Variants in CCL16 observed in about 807,000 individuals in gnomAD.
CCL16 encodes the protein C-C motif chemokine 16.
A neutral mutation model predicts 7.5 loss-of-function variants in CCL16; 6 were observed. The ratio of observed to expected loss-of-function variants is 0.80; its 90% CI spans 0.44 to 1.57. CCL16 has a LOEUF of 1.57. Among genes scored for constraint, CCL16 ranks in the 40% most tolerant of loss-of-function variants. The pLI, the probability that CCL16 is intolerant of heterozygous loss-of-function variation, is 0.01. For synonymous variants in CCL16, 60 were observed against 57.7 expected, an observed-to-expected ratio of 1.04 and a Z score of -0.18; for missense variants, 134 against 142.9, an observed-to-expected ratio of 0.94 and a Z score of 0.32.
At chr17:35,978,489 A>T (rs917015) in intron 1 of CCL16, among the ~76,000 whole-genome samples, 1 of 152,056 alleles carries the variant, frequency 6.6e-6, no homozygotes, top group Non-Finnish European at 1.5e-5. Context: ...CAAATGACTT[A>T]GTTATTCACA....
Position 35,978,352 on chromosome 17 carries a change from CCT to C in CCL16, c.77-91_77-90del, listed in dbSNP as rs2089656604. 1.1e-5 allele frequency: 18 copies of C among 1,569,830 alleles called. No homozygotes were observed. The Admixed American group carries it at 1.5e-4, about 13-fold the overall frequency. Reference sequence around the variant, plus strand: ...TGTCTCCCACCATTTGTGTTTCACTCCTCTGATAGCAAAGCCGTCTGTTAGAG... The same window carrying C: ...TGTCTCCCACCATTTGTGTTTCACTCCTGATAGCAAAGCCGTCTGTTAGAG... On this transcript the variant is annotated intron_variant, in intron 1 of 2. Transcript: ENST00000611905.
At position 35,977,583 on chromosome 17, in the gene CCL16, G is replaced by T. The variant is rs1271542898; in HGVS notation, c.346C>A (p.Leu116Ile). The T allele has an allele frequency of 6.2e-7, 1 of 1,612,682 alleles. No individual in the cohort carries two copies. The highest frequency in any genetic ancestry group is 1.7e-5 in the Admixed American group (1 of 60,010). The change falls in exon 3 of 3, where the codon CTC (leucine) becomes ATC (isoleucine). Residue 116 changes from leucine (L) to isoleucine (I), a missense_variant. Transcript: ENST00000611905. ...CCTGGTCATCACTGGGAGTTGAGGA[G>T]CTGGGGTTGACCATTCTTTGCTGTA... The part of the protein sequence containing the change: ...IITAKNGQPQ[L>I]LNSQ
intron 1 of CCL16, among the ~76,000 whole-genome samples, chr17:35,980,055 C>T (rs955822211): frequency 6.6e-6 from 1 of 152,162 alleles, no homozygotes; most frequent in African/African-American, 2.4e-5. Flanking sequence ...CTGTTCCCCC[C>T]TCCCACACAG....
intron 1 of CCL16, 92 bp downstream of exon 1, chr17:35,981,253 C>T (rs2089678613): frequency 1.3e-5 from 11 of 814,890 alleles, no homozygotes; most frequent in South Asian, 9.5e-5. Context: ...TCTTATGAGG[C>T]CAGAGACCCG....
chr17:35,977,408 TA>T lies in CCL16; in HGVS notation c.*157del. Reference sequence around the variant, plus strand: ...GTCCCTTAACTTTGGTATTTCCTCCTAAGATTGAGAAAATATTCGAAATACT... The same window carrying T: ...GTCCCTTAACTTTGGTATTTCCTCCTAGATTGAGAAAATATTCGAAATACT... On this transcript the variant is annotated 3_prime_UTR_variant, in exon 3 of 3. Coordinates refer to ENST00000611905, the MANE Select transcript of CCL16 (RefSeq NM_004590.4). 1 of 592,186 alleles carries T rather than the reference TA, an allele frequency of 1.7e-6. No individual in the cohort carries two copies. Among genetic ancestry groups the T allele is most frequent in the Non-Finnish European group, 2.8e-6 (1 of 357,248 alleles). The allele number at this position is 592,186 out of a possible 1,614,324, so 36.7% of individuals were successfully genotyped here. A position where few individuals can be genotyped will look rare whatever the true frequency, so the allele number is the denominator to read the frequency against.
chr17:35,977,820 C>G, intron 2 of CCL16, 89 bp from the exon 3 acceptor site: 1 of 1,433,990 alleles, frequency 7.0e-7, no homozygotes, highest in Non-Finnish European at 9.5e-7. Flanking sequence ...TGGAGCTCAC[C>G]TTATGTTCTT....
chr17:35,976,854 A>T lies in CCL16; in HGVS notation c.*712T>A, dbSNP rs913912290. The T allele has an allele frequency of 6.6e-6, 1 of 152,230 alleles. No homozygotes were observed. The highest frequency in any genetic ancestry group is 2.4e-5 in the African/African-American group (1 of 41,454). 9.4% of individuals were successfully genotyped at this position (152,230 alleles called of 1,614,324 possible). ...TCCAGAAAAATCCATAAAGATGGAC[A>T]GGAAAAATCAAGAGTTCTATGGGGC... On this transcript the variant is annotated 3_prime_UTR_variant, in exon 3 of 3. Transcript: ENST00000611905.
In CCL16 at chr17:35,981,420, TC is replaced by T; in HGVS notation, c.-1del. 1 of 1,609,354 alleles carries T rather than the reference TC, an allele frequency of 6.2e-7. No individual in the cohort carries two copies. Among genetic ancestry groups the T allele is most frequent in the Non-Finnish European group, 8.5e-7 (1 of 1,177,482 alleles). Reference sequence around the variant, plus strand: ...GACAGGGCAGCCTCGGAGACCTTCATCCTCTCAGCGAGGCAGTACAGCTTCA... The same window carrying T: ...GACAGGGCAGCCTCGGAGACCTTCATCTCTCAGCGAGGCAGTACAGCTTCA... On this transcript the variant is annotated 5_prime_UTR_variant, in exon 1 of 3. Transcript: ENST00000611905.
chr17:35,980,099 TCAAAG>T (rs1381527748), intron 1 of CCL16, among the ~76,000 whole-genome samples: 1 of 152,292 alleles, frequency 6.6e-6, no homozygotes, highest in East Asian at 1.9e-4. Context: ...TCACTGGTTC[TCAAAG>T]CAAAGTTTAC....
At chr17:35,978,682 TAAAC>T (rs965623338) in intron 1 of CCL16, among the ~76,000 whole-genome samples, 1 of 152,182 alleles carries the variant, frequency 6.6e-6, no homozygotes, top group African/African-American at 2.4e-5. Context: ...ATTGAAAAGT[TAAAC>T]AAACACTACC....
In CCL16 at chr17:35,976,717, TGAGAG is replaced by T. The variant is rs2089639612; in HGVS notation, c.*844_*848del. 6.6e-6 allele frequency: 1 copy of T among 151,546 alleles called. No individual in the cohort carries two copies. The highest frequency in any genetic ancestry group is 1.5e-5 in the Non-Finnish European group (1 of 67,952). The allele number at this position is 151,546 out of a possible 1,614,324, so 9.4% of individuals were successfully genotyped here. The stretch of plus-strand genomic sequence containing the variant: ...CTGCCACCCTGAGGAAGACAAAATA[TGAGAG>T]GATCTAGCAAAGTCTCTGCAAAAAT... On this transcript the variant is annotated 3_prime_UTR_variant, in exon 3 of 3. Coordinates refer to ENST00000611905, the MANE Select transcript of CCL16 (RefSeq NM_004590.4).
At chr17:35,980,328 C>G (rs1299711175) in intron 1 of CCL16, 1 of 152,808 alleles carries the variant, frequency 6.5e-6, no homozygotes, top group East Asian at 1.9e-4. Flanking sequence ...TGAGACCAGC[C>G]TGACCAACAT....
rs1217861033 is a variant in CCL16, at chr17:35,976,973, G to C, written c.*593C>G. The C allele has an allele frequency of 6.6e-6, 1 of 152,346 alleles. No homozygotes were observed. Among genetic ancestry groups the C allele is most frequent in the African/African-American group, 2.4e-5 (1 of 41,454 alleles). The allele number at this position is 152,346 out of a possible 1,614,324, so 9.4% of individuals were successfully genotyped here. ...TGGCTTGTGTACTGGTGTGAAGTGA[G>C]GAATTGAAAGAGAGCAGGAGAAGGA... On this transcript the variant is annotated 3_prime_UTR_variant, in exon 3 of 3. Coordinates refer to ENST00000611905, the MANE Select transcript of CCL16 (RefSeq NM_004590.4).
Position 35,976,668 on chromosome 17 carries a change from T to C in CCL16, c.*898A>G, listed in dbSNP as rs200947451. ...TCTCTCTCTCTCTTTTTTTTTTTTT[T>C]CCAATCAGGCACTCTCTGTACCCCT... On this transcript the variant is annotated 3_prime_UTR_variant, in exon 3 of 3. Transcript: ENST00000611905. 3 of 151,218 alleles carry C rather than the reference T, an allele frequency of 2.0e-5. No individual in the cohort carries two copies. Among genetic ancestry groups the C allele is most frequent in the African/African-American group, 4.9e-5 (2 of 41,044 alleles). 9.4% of individuals were successfully genotyped at this position (151,218 alleles called of 1,614,324 possible). A position where few individuals can be genotyped will look rare whatever the true frequency, so the allele number is the denominator to read the frequency against.
chr17:35,979,130 G>GA (rs34982123), intron 1 of CCL16, among the ~76,000 whole-genome samples: 436 of 132,404 alleles, frequency 3.3e-3, no homozygotes, highest in Middle Eastern at 7.6e-3. Context: ...CATCTCAAAA[G>GA]AAAAAAAAAA....
At chr17:35,980,782 T>C (rs1164898197) in intron 1 of CCL16, among the ~76,000 whole-genome samples, 1 of 152,060 alleles carries the variant, frequency 6.6e-6, no homozygotes, top group African/African-American at 2.4e-5. Flanking sequence ...TATTTAGTCA[T>C]AGGCTGGGGG....
chr17:35,976,528 T>C lies in CCL16; in HGVS notation c.*1038A>G, dbSNP rs1434289971. On this transcript the variant is annotated 3_prime_UTR_variant, in exon 3 of 3. Transcript: ENST00000611905. Reference sequence around the variant, plus strand: ...AAATAAGGGAGTTTTATTTATTGCATGTTTGGGTTTTGGACTAAGAGTTTA... The same window carrying C: ...AAATAAGGGAGTTTTATTTATTGCACGTTTGGGTTTTGGACTAAGAGTTTA... 6.6e-6 allele frequency: 1 copy of C among 152,214 alleles called. No homozygotes were observed. The highest frequency in any genetic ancestry group is 2.4e-5 in the African/African-American group (1 of 41,456). The allele number at this position is 152,214 out of a possible 1,614,324, so 9.4% of individuals were successfully genotyped here.
chr17:35,977,723 G>T lies in CCL16; in HGVS notation c.206C>A (p.Thr69Asn), dbSNP rs558624004. 5.6e-6 allele frequency: 9 copies of T among 1,611,956 alleles called. No homozygotes were observed. The African/African-American group carries it at 6.7e-5, about 12-fold the overall frequency. ...GGTGCAGACTTCTCGGTTCCTCTTG[G>T]TGACGAAGCTGCAGAGGCAGAATTA... ...NCHLPAIIFV[T>N]KRNREVCTNP... is the part of the protein sequence containing the mutation. Residue 69 changes from threonine (T) to asparagine (N), a missense_variant, in exon 3 of 3, where the codon ACC becomes AAC. Physicochemically the swap from Thr to Asn is moderately conservative, Grantham distance 65 (BLOSUM62 0). Transcript: ENST00000611905.
chr17:35,978,116 CA>C (rs1312950856), intron 2 of CCL16, 26 bp downstream of exon 2: 1 of 1,614,030 alleles, frequency 6.2e-7, no homozygotes, highest in Non-Finnish European at 8.5e-7. Flanking sequence ...TCCCTCTCCA[CA>C]GAAATATCTA....
Sources: gnomAD v4.1 joint callset for allele counts (sites outside exome capture counted in the v4.1 genomes callset) on GRCh38, gnomAD v4.1.1 for gene constraint, MANE v1.5 for transcripts, NCBI Gene and HGNC (gene_info 2026-07-23, HGNC 2026-07-21) for gene names.